The following ECHDC1 variants were observed in gnomAD, a reference collection of about 807,000 sequenced individuals.
ECHDC1 encodes the protein ethylmalonyl-CoA decarboxylase.
ECHDC1 carries 29 observed loss-of-function variants against 29.7 expected under a neutral mutation model. The observed-to-expected ratio is 0.98, with a 90% CI of 0.73 to 1.33. The LOEUF (loss-of-function observed/expected upper bound fraction) is 1.33. ECHDC1 is among the 40% of genes most tolerant of loss of function. The pLI, the probability that ECHDC1 is intolerant of heterozygous loss-of-function variation, is 0.00. For synonymous variants in ECHDC1, 126 were observed against 123.1 expected, an observed-to-expected ratio of 1.02 and a Z score of -0.15; for missense variants, 328 against 350.0, an observed-to-expected ratio of 0.94 and a Z score of 0.50.
At chr6:127,313,660 G>A (rs951087699) in intron 5 of ECHDC1, 4 of 445,216 alleles carry the variant, frequency 9.0e-6, no homozygotes, top group South Asian at 1.6e-5. Flanking sequence ...CTAGGGTCAA[G>A]TGTATAATGA....
intron 1 of ECHDC1, among the ~76,000 whole-genome samples, chr6:127,336,258 A>G (rs1171698738): frequency 6.6e-6 from 1 of 152,154 alleles, no homozygotes; most frequent in Non-Finnish European, 1.5e-5. Context: ...ATGAGAGGAT[A>G]CTGTGAAACT....
chr6:127,322,066 G>A (rs996614569), intron 3 of ECHDC1, among the ~76,000 whole-genome samples: 7 of 152,058 alleles, frequency 4.6e-5, no homozygotes, highest in Non-Finnish European at 8.8e-5. Context: ...GGCACTTTGG[G>A]AAGCCGAGGA....
At chr6:127,296,144 C>T (rs2114559369) in intron 5 of ECHDC1, among the ~76,000 whole-genome samples, 1 of 152,232 alleles carries the variant, frequency 6.6e-6, no homozygotes, top group South Asian at 2.1e-4. Flanking sequence ...ACTTGAAATC[C>T]AGATGCAACT....
At chr6:127,311,693 A>AAAAAAAAAAAAAAAAAAAAAAGAAAAG (rs1781934019) in intron 5 of ECHDC1, among the ~76,000 whole-genome samples, 1 of 98,084 alleles carries the variant, frequency 1.0e-5, no homozygotes, top group African/African-American at 3.8e-5. Context: ...AAAAAAAAAA[A>AAAAAAAAAAAAAAAAAAAAAAGAAAAG]AAAAAGAAAA....
At chr6:127,320,894 T>A (rs184101266) in intron 3 of ECHDC1, among the ~76,000 whole-genome samples, 2 of 151,764 alleles carry the variant, frequency 1.3e-5, no homozygotes, top group East Asian at 3.9e-4. Flanking sequence ...TCAGTTACAC[T>A]TAAAAGAAAA....
At chr6:127,341,488 A>G (rs1784939806) in intron 1 of ECHDC1, 1 of 152,240 alleles carries the variant, frequency 6.6e-6, no homozygotes, top group Non-Finnish European at 1.5e-5. Context: ...TTCTTCCAGA[A>G]TCACAGGAAG....
At chr6:127,293,526 C>G (rs1281220534) in intron 5 of ECHDC1, among the ~76,000 whole-genome samples, 3 of 152,102 alleles carry the variant, frequency 2.0e-5, no homozygotes, top group Non-Finnish European at 2.9e-5. Flanking sequence ...GAAGATTCAT[C>G]TCTAGATCTT....
intron 1 of ECHDC1, among the ~76,000 whole-genome samples, chr6:127,341,063 A>C (rs1389115059): frequency 1.3e-5 from 2 of 152,214 alleles, no homozygotes; most frequent in African/African-American, 4.8e-5. Flanking sequence ...TTGATCCATC[A>C]CTGAAATGCC....
At chr6:127,338,367 G>T (rs1179215728) in intron 1 of ECHDC1, among the ~76,000 whole-genome samples, 2 of 151,788 alleles carry the variant, frequency 1.3e-5, no homozygotes, top group Non-Finnish European at 2.9e-5. Flanking sequence ...TCCTTTTATT[G>T]AGCTCTACTA....
At chr6:127,342,781 G>GT (rs796242099) in intron 1 of ECHDC1, 38 of 169,918 alleles carry the variant, frequency 2.2e-4, no homozygotes, top group African/African-American at 8.7e-4. Flanking sequence ...TGTAATCCCT[G>GT]TATGTGTGCG....
At chr6:127,294,989 C>T (rs2114555583) in intron 5 of ECHDC1, among the ~76,000 whole-genome samples, 1 of 151,240 alleles carries the variant, frequency 6.6e-6, no homozygotes, top group Middle Eastern at 3.4e-3. Flanking sequence ...CACTCTGTTG[C>T]CCAGGCTGGA....
At chr6:127,331,054 G>C (rs373335171) in intron 1 of ECHDC1, 24 bp from the exon 2 acceptor site, 1 of 1,581,944 alleles carries the variant, frequency 6.3e-7, no homozygotes, top group South Asian at 1.1e-5. Context: ...ATAAGTATGC[G>C]GTAGTATAGA....
chr6:127,317,436 C>A (rs1782478697), intron 3 of ECHDC1, among the ~76,000 whole-genome samples: 1 of 152,072 alleles, frequency 6.6e-6, no homozygotes, highest in African/African-American at 2.4e-5. Context: ...GCAAAACCAA[C>A]TGAAAGTAAA....
At chr6:127,323,689 T>C (rs940691706) in intron 3 of ECHDC1, among the ~76,000 whole-genome samples, 1 of 152,156 alleles carries the variant, frequency 6.6e-6, no homozygotes, top group Non-Finnish European at 1.5e-5. Flanking sequence ...ACCAAAAGAT[T>C]CTTCCTCACA....
chr6:127,300,635 A>AT (rs1780985190), intron 5 of ECHDC1, among the ~76,000 whole-genome samples: 1 of 152,208 alleles, frequency 6.6e-6, no homozygotes, highest in Non-Finnish European at 1.5e-5. Flanking sequence ...GCAAAGACTC[A>AT]TCCCCCATCT....
chr6:127,327,059 T>A lies in ECHDC1; in HGVS notation c.306A>T (p.Lys102Asn). ...GATCAGATCCTGAAGAGAAAGTATT[T>A]TTTGCCCCACGGACAATGAGGCCTT... ...EGKGLIVRGA[K>N]NTFSSGSDLN... Residue 102 changes from lysine (K) to asparagine (N), a missense_variant, in exon 3 of 6, where the codon AAA becomes AAT. Transcript: ENST00000454859. The A allele has an allele frequency of 6.2e-7, 1 of 1,614,104 alleles. No homozygotes were observed. Among genetic ancestry groups the A allele is most frequent in the Non-Finnish European group, 8.5e-7 (1 of 1,179,986 alleles).
At chr6:127,333,085 G>A (rs1039398566) in intron 1 of ECHDC1, among the ~76,000 whole-genome samples, 2 of 152,094 alleles carry the variant, frequency 1.3e-5, no homozygotes, top group Non-Finnish European at 2.9e-5. Context: ...GAGCCACCAC[G>A]CCCAGCCCAG....
chr6:127,319,872 T>C (rs1782699447), intron 3 of ECHDC1, among the ~76,000 whole-genome samples: 1 of 152,156 alleles, frequency 6.6e-6, no homozygotes, highest in African/African-American at 2.4e-5. Flanking sequence ...ATGATTAACA[T>C]CATATGTACT....
intron 5 of ECHDC1, among the ~76,000 whole-genome samples, chr6:127,312,760 C>G (rs957708445): frequency 2.6e-5 from 4 of 152,106 alleles, no homozygotes; most frequent in African/African-American, 9.7e-5. Context: ...GATGAACAAA[C>G]CACTGGAAAA....
Sources: allele counts gnomAD v4.1 joint callset (sites outside exome capture counted in the v4.1 genomes callset), GRCh38; gene constraint gnomAD v4.1.1; transcripts MANE v1.5; gene names NCBI Gene and HGNC (gene_info 2026-07-23, HGNC 2026-07-21).